SLC9A9: variants seen among roughly 807,000 people sequenced by gnomAD.
SLC9A9 encodes sodium/hydrogen exchanger 9.
Under a neutral mutation model 77.8 loss-of-function variants are expected in SLC9A9, and 62 were observed. The ratio of observed to expected loss-of-function variants is 0.80; its 90% confidence interval spans 0.65 to 0.98. The LOEUF is 0.98. Ranked by LOEUF, SLC9A9 falls within the 50% of genes least tolerant of loss-of-function variation. SLC9A9 has a pLI of 0.00. For missense variants in SLC9A9, 775 were observed against 774.9 expected (o/e 1.00, Z 0.00); for synonymous variants, 320 against 283.5 (o/e 1.13, Z -1.29).
At chr3:143,338,621 G>A (rs568134088) in intron 14 of SLC9A9, among the ~76,000 whole-genome samples, 2 of 152,248 alleles carry the variant, frequency 1.3e-5, no homozygotes, top group South Asian at 2.1e-4. Flanking sequence ...GGCCTTACAG[G>A]TGCTTGTTTT....
intron 14 of SLC9A9, among the ~76,000 whole-genome samples, chr3:143,335,195 C>A (rs1401736128): frequency 1.3e-5 from 2 of 152,086 alleles, no homozygotes; most frequent in Non-Finnish European, 2.9e-5. Flanking sequence ...ATCCCATTTA[C>A]AATAGCATCA....
At chr3:143,626,158 G>A (rs974665608) in intron 6 of SLC9A9, among the ~76,000 whole-genome samples, 2 of 152,078 alleles carry the variant, frequency 1.3e-5, no homozygotes, top group African/African-American at 4.8e-5. Context: ...ACACTTTTAT[G>A]CTGTTGGTGG....
At chr3:143,708,353 G>A (rs1009090844) in intron 4 of SLC9A9, among the ~76,000 whole-genome samples, 28 of 152,122 alleles carry the variant, frequency 1.8e-4, no homozygotes, top group African/African-American at 6.5e-4. Context: ...TGCGAGACTC[G>A]GTCACATTCA....
At chr3:143,739,212 A>G (rs1347050069) in intron 4 of SLC9A9, among the ~76,000 whole-genome samples, 1 of 152,156 alleles carries the variant, frequency 6.6e-6, no homozygotes, top group Non-Finnish European at 1.5e-5. Flanking sequence ...GCAAGTATAG[A>G]TGAAAGGGGA....
intron 4 of SLC9A9, among the ~76,000 whole-genome samples, chr3:143,784,005 C>T (rs763247932): frequency 2.6e-5 from 4 of 152,186 alleles, no homozygotes; most frequent in Non-Finnish European, 4.4e-5. Flanking sequence ...CAGATGCAAA[C>T]CAGACTTCAC....
chr3:143,293,306 C>T (rs1387980790), intron 14 of SLC9A9, among the ~76,000 whole-genome samples: 1 of 152,162 alleles, frequency 6.6e-6, no homozygotes, highest in African/African-American at 2.4e-5. Flanking sequence ...CTGGCAGATA[C>T]GTGCGTCTGC....
chr3:143,607,730 G>C (rs529566096), intron 6 of SLC9A9, among the ~76,000 whole-genome samples: 6 of 151,880 alleles, frequency 4.0e-5, no homozygotes, highest in African/African-American at 1.4e-4. Flanking sequence ...AATCAGGAAA[G>C]AGGAAAACAA....
intron 6 of SLC9A9, among the ~76,000 whole-genome samples, chr3:143,588,347 T>C (rs1194445518): frequency 2.0e-5 from 3 of 152,308 alleles, no homozygotes; most frequent in Middle Eastern, 3.4e-3. Context: ...ACATTGGAAA[T>C]GTCTGAGCAC....
chr3:143,540,643 C>T (rs545924905), intron 9 of SLC9A9, among the ~76,000 whole-genome samples: 6 of 152,140 alleles, frequency 3.9e-5, no homozygotes, highest in Non-Finnish European at 8.8e-5. Flanking sequence ...AAAATACATG[C>T]ATGCAATTTT....
At chr3:143,485,323 G>A (rs1216499981) in intron 11 of SLC9A9, among the ~76,000 whole-genome samples, 1 of 152,162 alleles carries the variant, frequency 6.6e-6, no homozygotes, top group African/African-American at 2.4e-5. Flanking sequence ...TGATTGTCAG[G>A]AGATTTAAAG....
At chr3:143,374,468 C>T (rs2033134731) in intron 13 of SLC9A9, among the ~76,000 whole-genome samples, 1 of 137,506 alleles carries the variant, frequency 7.3e-6, no homozygotes, top group South Asian at 2.4e-4. Flanking sequence ...GAGGCCAGAA[C>T]ACAACAGAAT....
chr3:143,364,629 C>T (rs541583155), intron 13 of SLC9A9, among the ~76,000 whole-genome samples: 63 of 152,246 alleles, frequency 4.1e-4, no homozygotes, highest in African/African-American at 1.5e-3. Flanking sequence ...TAGCTGGACA[C>T]AAAAGGCTGT....
At chr3:143,693,412 A>C in intron 4 of SLC9A9, 105 bp from the exon 5 acceptor site, 1 of 892,790 alleles carries the variant, frequency 1.1e-6, no homozygotes. Context: ...CGTATCATGC[A>C]CAAATTGCCA....
At chr3:143,652,475 A>G (rs2038814087) in intron 5 of SLC9A9, 115 bp from the exon 6 acceptor site, 1 of 782,902 alleles carries the variant, frequency 1.3e-6, no homozygotes, top group Non-Finnish European at 2.2e-6. Context: ...AAATCCAATG[A>G]CTATACTAAC....
At chr3:143,417,899 C>T (rs1181654719) in intron 12 of SLC9A9, among the ~76,000 whole-genome samples, 1 of 151,910 alleles carries the variant, frequency 6.6e-6, no homozygotes, top group Non-Finnish European at 1.5e-5. Context: ...TATCAGGATT[C>T]TGTAGTTTTT....
chr3:143,364,673 TG>T (rs1171920743), intron 13 of SLC9A9, among the ~76,000 whole-genome samples: 1 of 152,226 alleles, frequency 6.6e-6, no homozygotes, highest in Non-Finnish European at 1.5e-5. Flanking sequence ...TACCAGTAGA[TG>T]CTTCCGTTCT....
At chr3:143,523,810 C>T (rs2036358464) in intron 9 of SLC9A9, among the ~76,000 whole-genome samples, 1 of 152,110 alleles carries the variant, frequency 6.6e-6, no homozygotes, top group South Asian at 2.1e-4. Flanking sequence ...TGAATATTCT[C>T]TATACCTAAG....
At chr3:143,370,601 A>ACACACACACACACG (rs1436891895) in intron 13 of SLC9A9, among the ~76,000 whole-genome samples, 3 of 150,652 alleles carry the variant, frequency 2.0e-5, no homozygotes, top group African/African-American at 7.4e-5. Context: ...ACACACACAC[A>ACACACACACACACG]CCCTAACAAA....
At chr3:143,796,443 T>C (rs2008386869) in intron 3 of SLC9A9, among the ~76,000 whole-genome samples, 1 of 152,260 alleles carries the variant, frequency 6.6e-6, no homozygotes, top group Non-Finnish European at 1.5e-5. Flanking sequence ...GTTTTGATAA[T>C]GTTTTGTTTA....
Sources: gnomAD v4.1 joint callset for allele counts (sites outside exome capture counted in the v4.1 genomes callset) on GRCh38, gnomAD v4.1.1 for gene constraint, MANE v1.5 for transcripts, NCBI Gene and HGNC (gene_info 2026-07-23, HGNC 2026-07-21) for gene names.